DNAH11: variants seen among roughly 807,000 people sequenced by gnomAD.
DNAH11 encodes dynein axonemal heavy chain 11, also known as axonemal beta dynein heavy chain 11.
DNAH11 carries 442 observed loss-of-function variants against 526.0 expected under a neutral mutation model. That is an observed-to-expected ratio of 0.84 (90% CI 0.78 to 0.91). The LOEUF is 0.91. Among genes scored for constraint, DNAH11 ranks in the 40% least tolerant of loss-of-function variants. The pLI, the probability that DNAH11 is intolerant of heterozygous loss-of-function variation, is 0.00. For missense variants in DNAH11, 6,989 were observed against 5,448.7 expected (o/e 1.28, Z -8.90); for synonymous variants, 2,461 against 1,935.9 (o/e 1.27, Z -7.12).
Position 21,873,290 on chromosome 7 carries a change from C to T in DNAH11, c.11984C>T (p.Ala3995Val), listed in dbSNP as rs765575732. 3 of 1,594,010 alleles carry T rather than the reference C, an allele frequency of 1.9e-6. No homozygotes were observed. The highest frequency in any genetic ancestry group is 4.5e-5 in the East Asian group (2 of 44,328). ...ATCTTTCAGAATGTTCATTTGGTAG[C>T]CAAGTGGCTAGGAACCTTGGAGAAG... ...WVILQNVHLV[A>V]KWLGTLEKLL... Residue 3995 changes from alanine to valine, a missense_variant, in exon 74 of 82, where the codon GCC becomes GTC. Physicochemically the swap from Ala to Val is moderately conservative, Grantham distance 64 (BLOSUM62 0). Coordinates refer to ENST00000409508, the MANE Select transcript of DNAH11 (RefSeq NM_001277115.2).
At chr7:21,596,284 A>G (rs1223209742) in intron 14 of DNAH11, among the ~76,000 whole-genome samples, 2 of 152,186 alleles carry the variant, frequency 1.3e-5, no homozygotes, top group African/African-American at 4.8e-5. Flanking sequence ...AGAGGGCTGA[A>G]GTCTGAAATC....
chr7:21,688,796 C>A (rs1783492432), intron 34 of DNAH11, among the ~76,000 whole-genome samples: 1 of 151,298 alleles, frequency 6.6e-6, no homozygotes, highest in South Asian at 2.1e-4. Flanking sequence ...AAGCAAAACA[C>A]AGCTGGCACT....
intron 65 of DNAH11, among the ~76,000 whole-genome samples, chr7:21,826,321 T>C (rs1344137146): frequency 3.0e-4 from 45 of 152,288 alleles, no homozygotes; most frequent in African/African-American, 1.0e-3. Context: ...AAAGTATTCA[T>C]ACATATGCAA....
At chr7:21,791,666 T>G (rs1438578728) in intron 61 of DNAH11, among the ~76,000 whole-genome samples, 2 of 152,180 alleles carry the variant, frequency 1.3e-5, no homozygotes, top group Non-Finnish European at 1.5e-5. Context: ...AGGTATTTCT[T>G]TCCATCATTC....
At chr7:21,818,620 C>G (rs976480177) in intron 65 of DNAH11, among the ~76,000 whole-genome samples, 7 of 152,002 alleles carry the variant, frequency 4.6e-5, no homozygotes, top group African/African-American at 1.7e-4. Context: ...AAATTTATAC[C>G]AATGTTTCTC....
At chr7:21,876,727 G>A (rs1434384556) in intron 74 of DNAH11, among the ~76,000 whole-genome samples, 2 of 152,196 alleles carry the variant, frequency 1.3e-5, no homozygotes, top group Non-Finnish European at 2.9e-5. Context: ...CCACATTCCT[G>A]ACAGGAGGAT....
intron 55 of DNAH11, among the ~76,000 whole-genome samples, chr7:21,769,666 G>C (rs924447362): frequency 6.6e-6 from 1 of 151,842 alleles, no homozygotes; most frequent in Non-Finnish European, 1.5e-5. Context: ...TGTACTTTTA[G>C]TAGAGACAGG....
At chr7:21,834,053 C>T (rs1241949247) in intron 65 of DNAH11, among the ~76,000 whole-genome samples, 1 of 152,164 alleles carries the variant, frequency 6.6e-6, no homozygotes, top group Non-Finnish European at 1.5e-5. Context: ...AATATATATT[C>T]TTCTCATCAG....
chr7:21,840,174 A>G (rs1232027669), intron 65 of DNAH11, among the ~76,000 whole-genome samples: 4 of 152,198 alleles, frequency 2.6e-5, no homozygotes, highest in Admixed American at 2.0e-4. Flanking sequence ...CCTCAAATTA[A>G]AAATTGTTGC....
chr7:21,786,458 C>G (rs1038038642), intron 58 of DNAH11, among the ~76,000 whole-genome samples, 166 bp from the exon 59 acceptor site: 1 of 152,114 alleles, frequency 6.6e-6, no homozygotes, highest in Non-Finnish European at 1.5e-5. Flanking sequence ...ACTGAACCTC[C>G]TGGAGTTCCA....
intron 76 of DNAH11, among the ~76,000 whole-genome samples, chr7:21,889,537 C>T (rs894460098): frequency 6.6e-6 from 1 of 152,186 alleles, no homozygotes; most frequent in South Asian, 2.1e-4. Flanking sequence ...GTTCTGTTTT[C>T]TCCACATCCT....
intron 30 of DNAH11, among the ~76,000 whole-genome samples, chr7:21,672,405 C>A (rs1457304729): frequency 1.3e-5 from 2 of 152,186 alleles, no homozygotes; most frequent in Non-Finnish European, 1.5e-5. Context: ...CCTGCCTCAG[C>A]CTCCCAAGTA....
chr7:21,833,741 A>G (rs1209437460), intron 65 of DNAH11, among the ~76,000 whole-genome samples: 5 of 152,070 alleles, frequency 3.3e-5, no homozygotes, highest in Admixed American at 6.6e-5. Flanking sequence ...AAATCACAGG[A>G]TGCACATAGA....
At chr7:21,703,881 GT>G (rs1784155916) in intron 37 of DNAH11, 1 of 151,926 alleles carries the variant, frequency 6.6e-6, no homozygotes, top group African/African-American at 2.4e-5. Flanking sequence ...TCGTAATTTA[GT>G]ACTAGGTCAA....
At chr7:21,882,462 A>G (rs1286499721) in intron 75 of DNAH11, among the ~76,000 whole-genome samples, 2 of 152,238 alleles carry the variant, frequency 1.3e-5, no homozygotes, top group African/African-American at 4.8e-5. Context: ...TGTAAAAAAC[A>G]AAGACCAGGA....
At chr7:21,717,967 C>A (rs765565297) in intron 43 of DNAH11, 42 bp downstream of exon 43, 1 of 1,565,232 alleles carries the variant, frequency 6.4e-7, no homozygotes, top group South Asian at 1.2e-5. Flanking sequence ...AGTTCTGATG[C>A]GGTAGTGTTT....
At chr7:21,882,422 T>A (rs758182392) in intron 75 of DNAH11, among the ~76,000 whole-genome samples, 4 of 152,190 alleles carry the variant, frequency 2.6e-5, no homozygotes, top group South Asian at 4.1e-4. Flanking sequence ...CATGTTTGGT[T>A]GTACAAAATG....
chr7:21,745,313 A>G (rs955886397), intron 51 of DNAH11, among the ~76,000 whole-genome samples: 2 of 152,258 alleles, frequency 1.3e-5, no homozygotes, highest in Admixed American at 6.5e-5. Flanking sequence ...AAGTGGAAAC[A>G]TAAATTACTT....
At chr7:21,625,504 A>G (rs1003619363) in intron 25 of DNAH11, among the ~76,000 whole-genome samples, 6 of 152,132 alleles carry the variant, frequency 3.9e-5, no homozygotes, top group South Asian at 2.1e-4. Context: ...TGTTTCATCA[A>G]TTACTGCTCT....
Sources: gnomAD v4.1 joint callset for allele counts (sites outside exome capture counted in the v4.1 genomes callset) on GRCh38, gnomAD v4.1.1 for gene constraint, MANE v1.5 for transcripts, NCBI Gene and HGNC (gene_info 2026-07-23, HGNC 2026-07-21) for gene names.